Variants in CSPP1 observed in about 807,000 individuals in gnomAD.
CSPP1 encodes centrosome and spindle pole-associated protein 1.
CSPP1 carries 126 observed loss-of-function variants against 164.4 expected under a neutral mutation model. The observed-to-expected ratio is 0.77, with a 90% CI of 0.66 to 0.89. The LOEUF is 0.89. Among genes scored for constraint, CSPP1 ranks in the 40% least tolerant of loss-of-function variants. CSPP1 has a pLI of 0.00. For missense variants in CSPP1, 1,395 were observed against 1,449.8 expected (o/e 0.96, Z 0.61); for synonymous variants, 472 against 476.7 (o/e 0.99, Z 0.13).
chr8:67,100,551 A>C (rs1813836947), intron 7 of CSPP1, among the ~76,000 whole-genome samples: 1 of 151,684 alleles, frequency 6.6e-6, no homozygotes, highest in Non-Finnish European at 1.5e-5. Flanking sequence ...TATGCTTTTA[A>C]GAATTTGTAA....
At chr8:67,087,911 G>A (rs899985165) in intron 4 of CSPP1, among the ~76,000 whole-genome samples, 1 of 152,024 alleles carries the variant, frequency 6.6e-6, no homozygotes, top group Non-Finnish European at 1.5e-5. Flanking sequence ...TGATTTCCTC[G>A]CGCTAATTTT....
At chr8:67,125,501 A>C (rs1586312456) in intron 15 of CSPP1, among the ~76,000 whole-genome samples, 1 of 152,008 alleles carries the variant, frequency 6.6e-6, no homozygotes, top group East Asian at 1.9e-4. Context: ...TAATTTGGGA[A>C]ATTTTTGCCC....
intron 10 of CSPP1, among the ~76,000 whole-genome samples, chr8:67,112,917 A>C (rs962835346): frequency 6.6e-5 from 10 of 152,318 alleles, no homozygotes; most frequent in African/African-American, 2.4e-4. Context: ...ATAGTTTAAA[A>C]TTAGGAATAG....
chr8:67,189,240 T>C (rs919418208), intron 28 of CSPP1, among the ~76,000 whole-genome samples: 7 of 152,248 alleles, frequency 4.6e-5, no homozygotes, highest in Non-Finnish European at 1.0e-4. Context: ...ATTCTTACCA[T>C]ACAGTTCAGC....
intron 17 of CSPP1, among the ~76,000 whole-genome samples, chr8:67,138,677 G>A (rs1822861640): frequency 6.6e-6 from 1 of 152,046 alleles, no homozygotes; most frequent in Admixed American, 6.6e-5. Context: ...TGATAGAATC[G>A]GAAGATTGGA....
chr8:67,091,814 A>C lies in CSPP1; in HGVS notation c.315A>C (p.Leu105=), dbSNP rs1465004865. The change falls in exon 5 of 31, where the codon CTA becomes CTC. Residue 105 remains leucine (L), a synonymous_variant. Transcript: ENST00000678616. ...YRRYLTQKNF[L]STSETDPSTL... is the part of the protein sequence containing the mutation. ...GTGTATATATACAGAAAAATTTTCT[A>C]TCTACGAGTGAAACAGATCCATCTA... is the stretch of plus-strand genomic sequence containing the variant. The C allele has an allele frequency of 2.3e-6, 3 of 1,323,058 alleles. No individual in the cohort carries two copies. In the African/African-American group the frequency reaches 4.5e-5, roughly 20 times the overall value. 82.0% of individuals were successfully genotyped at this position (1,323,058 alleles called of 1,614,324 possible). A position where few individuals can be genotyped will look rare whatever the true frequency, so the allele number is the denominator to read the frequency against.
intron 1 of CSPP1, among the ~76,000 whole-genome samples, chr8:67,067,857 T>C (rs1805913504): frequency 6.6e-6 from 1 of 151,416 alleles, no homozygotes; most frequent in Non-Finnish European, 1.5e-5. Flanking sequence ...TGATTTCTTT[T>C]TTTTTTTTTT....
rs1193978211 is a variant in CSPP1 at position 67,116,937 on chromosome 8, TTG to T, written c.1496+819_1496+820del. 4.6e-5 allele frequency among the ~76,000 whole-genome samples: 7 copies of T among 152,294 alleles called. No homozygotes were observed. In the East Asian group the frequency reaches 1.3e-3, roughly 29 times the overall value. On this transcript the variant is annotated intron_variant, in intron 13 of 30. Transcript: ENST00000678616. ...GTGTTTACTATACTTATCAGGGGCT[TTG>T]TGTTTTTTATCTGATGGCTTCCTGA...
At chr8:67,145,411 AT>A (rs971117072) in intron 17 of CSPP1, among the ~76,000 whole-genome samples, 8 of 149,672 alleles carry the variant, frequency 5.3e-5, no homozygotes, top group African/African-American at 1.7e-4. Flanking sequence ...GTTTTCATTG[AT>A]TTTTTTTCTC....
chr8:67,080,013 A>G (rs979874706), intron 3 of CSPP1, among the ~76,000 whole-genome samples: 1 of 152,250 alleles, frequency 6.6e-6, no homozygotes, highest in African/African-American at 2.4e-5. Context: ...GAATTTTATT[A>G]AAGAACAATA....
At chr8:67,116,189 A>G in intron 13 of CSPP1, 67 bp downstream of exon 13, 1 of 1,115,208 alleles carries the variant, frequency 9.0e-7, no homozygotes, top group South Asian at 1.3e-5. Context: ...GTTTAGAAGG[A>G]TATACTGAAG....
intron 15 of CSPP1, among the ~76,000 whole-genome samples, chr8:67,129,845 G>T (rs766194139): frequency 2.6e-5 from 4 of 152,148 alleles, no homozygotes; most frequent in Non-Finnish European, 5.9e-5. Flanking sequence ...TGGGGCTGAG[G>T]GTTGAGTAGG....
At chr8:67,193,739 G>GTAAC (rs1419357661) in intron 30 of CSPP1, 137 bp downstream of exon 30, 2 of 638,062 alleles carry the variant, frequency 3.1e-6, no homozygotes, top group African/African-American at 3.7e-5. Context: ...CCAAGACATA[G>GTAAC]TAACTATTGA....
chr8:67,096,977 C>G (rs951282281), intron 7 of CSPP1, among the ~76,000 whole-genome samples: 1 of 152,196 alleles, frequency 6.6e-6, no homozygotes, highest in Non-Finnish European at 1.5e-5. Flanking sequence ...GTCAGATTTT[C>G]AGATGGTTTT....
rs2129551479 is a variant in CSPP1, at chr8:67,118,815, C to T, written c.1691C>T (p.Pro564Leu). The part of the protein sequence containing the change: ...SAPVTHQLAQ[P>L]VVNTVGQNEL... ...CCTGTCACCCACCAACTAGCACAACCTGTTGTGTAAGTTATTAGTTAAAAG... is the reference window on the plus strand; with the variant it reads ...CCTGTCACCCACCAACTAGCACAACTTGTTGTGTAAGTTATTAGTTAAAAG... Residue 564 changes from proline to leucine, a missense_variant, in exon 15 of 31, where the codon CCT becomes CTT. By Grantham distance (98) the Pro-to-Leu change is moderately conservative. Coordinates refer to ENST00000678616, the MANE Select transcript of CSPP1 (RefSeq NM_001382391.1). The T allele has an allele frequency of 1.2e-6, 2 of 1,602,532 alleles. No homozygotes were observed. Among genetic ancestry groups the T allele is most frequent in the Non-Finnish European group, 1.7e-6 (2 of 1,169,732 alleles).
At chr8:67,116,379 G>A (rs1018955787) in intron 13 of CSPP1, among the ~76,000 whole-genome samples, 1 of 151,996 alleles carries the variant, frequency 6.6e-6, no homozygotes, top group African/African-American at 2.4e-5. Context: ...TATTTATTTA[G>A]TTTTGGGTTG....
At chr8:67,180,728 T>C (rs1428107997) in intron 28 of CSPP1, among the ~76,000 whole-genome samples, 1 of 152,192 alleles carries the variant, frequency 6.6e-6, no homozygotes, top group Non-Finnish European at 1.5e-5. Flanking sequence ...AAGGAATCTC[T>C]ACTATTTCTT....
chr8:67,173,332 A>G (rs1216936017), intron 25 of CSPP1, among the ~76,000 whole-genome samples: 1 of 152,130 alleles, frequency 6.6e-6, no homozygotes, highest in Non-Finnish European at 1.5e-5. Context: ...TTAGTAAGGA[A>G]ACGAGATTTC....
Position 67,154,056 on chromosome 8 carries a change from CG to C in CSPP1, c.2165del (p.Gly722GlufsTer41). ...HMQTQSSPFA[R>X]GNVFGEPPTE... is the part of the protein sequence containing the mutation. Reference sequence around the variant, plus strand: ...GCAAACACAGAGCTCTCCTTTTGCTCGGGGAAATGTATTTGGTGAGCCTCCA... The same window carrying C: ...GCAAACACAGAGCTCTCCTTTTGCTCGGGAAATGTATTTGGTGAGCCTCCA... On this transcript the variant is annotated frameshift_variant, in exon 19 of 31. Coordinates refer to ENST00000678616, the MANE Select transcript of CSPP1 (RefSeq NM_001382391.1). LOFTEE classifies it high-confidence loss of function. The C allele has an allele frequency of 6.2e-7, 1 of 1,604,206 alleles. No individual in the cohort carries two copies. Among genetic ancestry groups the C allele is most frequent in the Non-Finnish European group, 8.5e-7 (1 of 1,172,378 alleles).
Sources: allele counts gnomAD v4.1 joint callset (sites outside exome capture counted in the v4.1 genomes callset), GRCh38; gene constraint gnomAD v4.1.1; transcripts MANE v1.5; gene names NCBI Gene and HGNC (gene_info 2026-07-23, HGNC 2026-07-21).